RBFOX1: variants seen among roughly 807,000 people sequenced by gnomAD.
RBFOX1 encodes RNA binding protein fox-1 homolog 1.
Under a neutral mutation model 57.7 loss-of-function variants are expected in RBFOX1, and 8 were observed. That is an observed-to-expected ratio of 0.14 (90% CI 0.08 to 0.25). The LOEUF (loss-of-function observed/expected upper bound fraction) is 0.25, where lower values mean the gene tolerates loss of function less well. RBFOX1 is among the 10% of genes least tolerant of loss of function. The pLI, the probability that RBFOX1 is intolerant of heterozygous loss-of-function variation, is 1.00. For missense variants in RBFOX1, 611 were observed against 548.5 expected (o/e 1.11, Z -1.14); for synonymous variants, 326 against 222.4 (o/e 1.47, Z -4.15).
At chr16:7,241,841 T>C (rs2094080784) in intron 4 of RBFOX1, among the ~76,000 whole-genome samples, 1 of 152,006 alleles carries the variant, frequency 6.6e-6, no homozygotes, top group Non-Finnish European at 1.5e-5. Flanking sequence ...ATATATTAAA[T>C]ATGTAAATAT....
chr16:6,011,071 C>A (rs1411006530), intron 4 of RBFOX1, among the ~76,000 whole-genome samples: 1 of 152,234 alleles, frequency 6.6e-6, no homozygotes, highest in East Asian at 1.9e-4. Context: ...TTTACTTATC[C>A]ATTTGTAATA....
intron 1 of RBFOX1, among the ~76,000 whole-genome samples, chr16:6,057,663 ATTT>A: frequency 6.6e-6 from 1 of 151,956 alleles, no homozygotes; most frequent in Non-Finnish European, 1.5e-5. Context: ...TGACTTCGAG[ATTT>A]TTGGGAGAGA....
At chr16:7,161,732 T>C (rs1025615445) in intron 4 of RBFOX1, among the ~76,000 whole-genome samples, 1 of 152,216 alleles carries the variant, frequency 6.6e-6, no homozygotes, top group African/African-American at 2.4e-5. Flanking sequence ...GCTTCCTTTA[T>C]GACTCATCTT....
At chr16:6,013,195 C>G (rs975729042) in intron 4 of RBFOX1, among the ~76,000 whole-genome samples, 20 of 152,174 alleles carry the variant, frequency 1.3e-4, no homozygotes, top group Middle Eastern at 3.4e-3. Context: ...CTCATGAGCT[C>G]CGTTCTGTTA....
chr16:6,495,390 C>G (rs2095742810), intron 2 of RBFOX1, among the ~76,000 whole-genome samples: 1 of 151,630 alleles, frequency 6.6e-6, no homozygotes, highest in Non-Finnish European at 1.5e-5. Flanking sequence ...CTTGGCCTCC[C>G]TAAGTGCTAA....
chr16:7,069,419 C>G (rs966548800), intron 4 of RBFOX1, among the ~76,000 whole-genome samples: 5 of 152,154 alleles, frequency 3.3e-5, no homozygotes, highest in East Asian at 1.9e-4. Context: ...CGTTGTTCAG[C>G]TCCTACTTAC....
At chr16:5,470,206 G>T (rs562742943) in intron 2 of RBFOX1, among the ~76,000 whole-genome samples, 1 of 152,318 alleles carries the variant, frequency 6.6e-6, no homozygotes, top group South Asian at 2.1e-4. Context: ...CCACCATGCT[G>T]TCCTGCATGT....
intron 1 of RBFOX1, among the ~76,000 whole-genome samples, chr16:6,029,094 T>G (rs1423081682): frequency 6.6e-6 from 1 of 152,204 alleles, no homozygotes; most frequent in Non-Finnish European, 1.5e-5. Context: ...CTTCTTATTT[T>G]TTTTTACCTT....
At chr16:5,987,561 G>C (rs560649018) in intron 4 of RBFOX1, among the ~76,000 whole-genome samples, 1 of 152,136 alleles carries the variant, frequency 6.6e-6, no homozygotes, top group East Asian at 1.9e-4. Context: ...GGGGCACAGG[G>C]GCATGTGGGC....
At chr16:7,675,440 G>T (rs1274179299) in intron 13 of RBFOX1, among the ~76,000 whole-genome samples, 1 of 151,958 alleles carries the variant, frequency 6.6e-6, no homozygotes, top group Admixed American at 6.5e-5. Flanking sequence ...TAAATTATTG[G>T]TGATTATGTG....
At chr16:7,448,559 A>G (rs1182785665) in intron 4 of RBFOX1, among the ~76,000 whole-genome samples, 2 of 152,050 alleles carry the variant, frequency 1.3e-5, no homozygotes, top group Non-Finnish European at 2.9e-5. Context: ...TGATTCAGTT[A>G]CCTCCAACCG....
chr16:5,974,401 G>C (rs1396528427), intron 4 of RBFOX1, among the ~76,000 whole-genome samples: 1 of 152,034 alleles, frequency 6.6e-6, no homozygotes, highest in Non-Finnish European at 1.5e-5. Flanking sequence ...TTGAGGTCAG[G>C]AGTTCGAGAC....
intron 1 of RBFOX1, among the ~76,000 whole-genome samples, chr16:5,268,564 T>C (rs531476456): frequency 6.6e-5 from 10 of 152,354 alleles, no homozygotes; most frequent in South Asian, 2.1e-4. Flanking sequence ...TCCTCCACGA[T>C]TGGAGCAGAG....
At chr16:7,194,758 T>G (rs200002580) in intron 4 of RBFOX1, among the ~76,000 whole-genome samples, 4,571 of 145,030 alleles carry the variant, frequency 0.032, 118 homozygotes, top group South Asian at 0.1. Context: ...TCAAACCTCA[T>G]CTCTACAAAA....
intron 2 of RBFOX1, among the ~76,000 whole-genome samples, chr16:5,559,463 A>G (rs556484290): frequency 2.0e-4 from 31 of 152,296 alleles, no homozygotes; most frequent in African/African-American, 7.0e-4. Flanking sequence ...AAACAAGCCG[A>G]ACAAGGCTAC....
intron 2 of RBFOX1, among the ~76,000 whole-genome samples, chr16:6,514,034 C>A (rs1301554446): frequency 1.3e-5 from 2 of 152,196 alleles, no homozygotes; most frequent in African/African-American, 4.8e-5. Context: ...AGAATCAACA[C>A]CTCAAGGCAT....
chr16:5,968,111 A>G (rs770380445), intron 4 of RBFOX1, among the ~76,000 whole-genome samples: 20 of 152,122 alleles, frequency 1.3e-4, no homozygotes, highest in African/African-American at 2.9e-4. Flanking sequence ...GTCTTGCTCT[A>G]TCACCCAGGC....
chr16:6,740,412 T>C (rs545126170), intron 3 of RBFOX1, among the ~76,000 whole-genome samples: 3 of 152,172 alleles, frequency 2.0e-5, no homozygotes, highest in South Asian at 2.1e-4. Flanking sequence ...ACAAGAAATA[T>C]AAATAAAAGG....
Position 6,739,705 on chromosome 16 carries a change from C to A in RBFOX1, c.-16+85055C>A, listed in dbSNP as rs201600160. Among the ~76,000 whole-genome samples, 29 of 152,138 alleles carry A rather than the reference C, an allele frequency of 1.9e-4. 1 individual carries two copies. The East Asian group carries it at 4.7e-3, about 24-fold the overall frequency. On this transcript the variant is annotated intron_variant, in intron 3 of 15. Transcript: ENST00000550418. Reference sequence around the variant, plus strand: ...CAGCTTGGCCAACATGGTGAAACCCCATCTCTACTAAAAATACAAAAATTA... The same window carrying A: ...CAGCTTGGCCAACATGGTGAAACCCAATCTCTACTAAAAATACAAAAATTA...
Sources: allele counts gnomAD v4.1 joint callset (sites outside exome capture counted in the v4.1 genomes callset), GRCh38; gene constraint gnomAD v4.1.1; transcripts MANE v1.5; gene names NCBI Gene and HGNC (gene_info 2026-07-23, HGNC 2026-07-21).